Variants in ATG7 observed in about 807,000 individuals in gnomAD.
The protein encoded by ATG7 is ubiquitin-like modifier-activating enzyme ATG7.
ATG7 carries 70 observed loss-of-function variants against 82.4 expected under a neutral mutation model. The observed-to-expected ratio is 0.85, with a 90% CI of 0.70 to 1.04. The LOEUF (loss-of-function observed/expected upper bound fraction) is 1.04, where lower values mean the gene tolerates loss of function less well. Among genes scored for constraint, ATG7 ranks in the 50% least tolerant of loss-of-function variants. The probability of loss-of-function intolerance (pLI) is 0.00; values close to 1 mark genes in which losing one functional copy is unlikely to be tolerated. For synonymous variants in ATG7, 287 were observed against 313.0 expected, an observed-to-expected ratio of 0.92 and a Z score of 0.88; for missense variants, 792 against 864.3, an observed-to-expected ratio of 0.92 and a Z score of 1.05.
At chr3:11,375,776 T>C (rs973957780) in intron 18 of ATG7, among the ~76,000 whole-genome samples, 5 of 152,212 alleles carry the variant, frequency 3.3e-5, no homozygotes, top group African/African-American at 1.2e-4. Context: ...GCCAGGCTGG[T>C]CTTGAATTCC....
At chr3:11,456,235 G>A (rs1430261980) in intron 20 of ATG7, among the ~76,000 whole-genome samples, 1 of 152,166 alleles carries the variant, frequency 6.6e-6, no homozygotes, top group African/African-American at 2.4e-5. Context: ...ATGGAATCCT[G>A]TAATATATGG....
At chr3:11,486,254 C>A (rs1048543563) in intron 20 of ATG7, among the ~76,000 whole-genome samples, 5 of 152,310 alleles carry the variant, frequency 3.3e-5, no homozygotes, top group African/African-American at 9.6e-5. Context: ...AGAGGTCCTT[C>A]ACTTCCCTTG....
At chr3:11,414,756 G>T (rs1345397069) in intron 19 of ATG7, among the ~76,000 whole-genome samples, 1 of 152,140 alleles carries the variant, frequency 6.6e-6, no homozygotes, top group Non-Finnish European at 1.5e-5. Flanking sequence ...TTTACTGAGA[G>T]TTTTTGTCAT....
At chr3:11,513,316 C>G (rs1275093816) in intron 20 of ATG7, among the ~76,000 whole-genome samples, 1 of 152,196 alleles carries the variant, frequency 6.6e-6, no homozygotes, top group Non-Finnish European at 1.5e-5. Context: ...GTTGGGGAGG[C>G]TCGGGCTGCA....
At chr3:11,505,417 A>T (rs183960535) in intron 20 of ATG7, among the ~76,000 whole-genome samples, 19 of 152,312 alleles carry the variant, frequency 1.2e-4, no homozygotes, top group African/African-American at 4.3e-4. Flanking sequence ...TTAGAATTGA[A>T]GACATGGACC....
intron 1 of ATG7, among the ~76,000 whole-genome samples, chr3:11,275,415 C>A (rs1575084688): frequency 6.7e-6 from 1 of 149,624 alleles, no homozygotes; most frequent in East Asian, 2.0e-4. Context: ...GTGGCACGAT[C>A]TCGGCTCACT....
chr3:11,565,167 C>T, the ATG7 span: 4 of 810,854 alleles, frequency 4.9e-6, no homozygotes, highest in South Asian at 3.0e-5. The surrounding 1 kb of genome is among the most constrained non-coding windows in gnomAD (Gnocchi z 4.1). Flanking sequence ...GAGCCGGTTG[C>T]CAGCCCGGGT....
Position 11,347,450 on chromosome 3 carries a change from G to T in ATG7, c.1126-427G>T, listed in dbSNP as rs537727578. ...ATAATTTGTGAGTCATTTTTTGGAG[G>T]AGTTCATTCAGGCTTTAAATGAGCT... On this transcript the variant is annotated intron_variant, in intron 13 of 20. Coordinates refer to ENST00000693202, the MANE Select transcript of ATG7 (RefSeq NM_001349232.2). 8.5e-5 allele frequency among the ~76,000 whole-genome samples: 13 copies of T among 152,254 alleles called. 1 individual carries two copies. The South Asian group carries it at 1.2e-3, about 15-fold the overall frequency.
downstream of ATG7, among the ~76,000 whole-genome samples, chr3:11,561,529 C>G (rs2073001286): frequency 6.6e-6 from 1 of 152,210 alleles, no homozygotes; most frequent in African/African-American, 2.4e-5. Flanking sequence ...GTGGGACTGG[C>G]TCCACCACCC....
At chr3:11,374,930 A>T (rs1244923211) in intron 18 of ATG7, among the ~76,000 whole-genome samples, 1 of 142,558 alleles carries the variant, frequency 7.0e-6, no homozygotes, top group Non-Finnish European at 1.5e-5. Flanking sequence ...AAGTCTGGGC[A>T]TGGTGGCTCA....
At chr3:11,298,139 A>G (rs567379736) in intron 3 of ATG7, among the ~76,000 whole-genome samples, 2 of 152,032 alleles carry the variant, frequency 1.3e-5, no homozygotes, top group South Asian at 4.2e-4. Flanking sequence ...AGATTGCACC[A>G]CTGCACTCCA....
chr3:11,304,154 C>T (rs1283039092), intron 5 of ATG7, among the ~76,000 whole-genome samples: 1 of 152,112 alleles, frequency 6.6e-6, no homozygotes, highest in African/African-American at 2.4e-5. Context: ...AAATAGAAGG[C>T]ATAATTCTTG....
the ATG7 span, among the ~76,000 whole-genome samples, chr3:11,563,448 C>T: frequency 2.0e-5 from 3 of 152,252 alleles, no homozygotes; most frequent in South Asian, 2.1e-4. Context: ...TCTGTTCCAG[C>T]CCCTGCTGCT....
chr3:11,466,187 A>G (rs17034457), intron 20 of ATG7, among the ~76,000 whole-genome samples: 3,582 of 152,324 alleles, frequency 0.024, 134 homozygotes, highest in African/African-American at 0.079. Flanking sequence ...ACATCACAAG[A>G]CTTGTTATAC....
At chr3:11,473,687 A>G (rs1050972016) in intron 20 of ATG7, among the ~76,000 whole-genome samples, 2 of 152,324 alleles carry the variant, frequency 1.3e-5, no homozygotes, top group Middle Eastern at 3.4e-3. Flanking sequence ...GATATCATCT[A>G]TTTGCAGTGC....
At chr3:11,410,592 A>G (rs765622055) in intron 19 of ATG7, among the ~76,000 whole-genome samples, 5 of 151,758 alleles carry the variant, frequency 3.3e-5, no homozygotes, top group Non-Finnish European at 5.9e-5. Flanking sequence ...ATAACTCCCC[A>G]TTTTCTTCTC....
chr3:11,423,199 A>G (rs569290516), intron 19 of ATG7, among the ~76,000 whole-genome samples: 3 of 151,704 alleles, frequency 2.0e-5, no homozygotes, highest in Admixed American at 1.3e-4. Context: ...AGATGGAGGA[A>G]TGGCCAGTTG....
At chr3:11,559,052 G>T (rs1297655594), downstream of ATG7, among the ~76,000 whole-genome samples, 1 of 152,238 alleles carries the variant, frequency 6.6e-6, no homozygotes, top group African/African-American at 2.4e-5. Flanking sequence ...TCCGAGTTCA[G>T]AAAGAGAATG....
downstream of ATG7, chr3:11,559,368 C>A: frequency 6.4e-7 from 1 of 1,551,638 alleles, no homozygotes; most frequent in Non-Finnish European, 8.7e-7. Flanking sequence ...GGCCCGGGCG[C>A]GGCACAGCCG....
Sources: gnomAD v4.1 joint callset for allele counts (sites outside exome capture counted in the v4.1 genomes callset) on GRCh38, gnomAD v4.1.1 for gene constraint, Gnocchi (gnomAD v3.1) non-coding constraint, MANE v1.5 for transcripts, NCBI Gene and HGNC (gene_info 2026-07-23, HGNC 2026-07-21) for gene names.